FRMD8: variants seen among roughly 807,000 people sequenced by gnomAD.
FRMD8 encodes FERM domain-containing protein 8.
In FRMD8, 37 loss-of-function variants were observed where a neutral mutation model predicts 54.2. The ratio of observed to expected loss-of-function variants is 0.68; its 90% CI spans 0.53 to 0.90. The LOEUF is 0.90. FRMD8 is among the 40% of genes least tolerant of loss of function. The pLI is 0.00. For missense variants in FRMD8, 585 were observed against 653.7 expected (o/e 0.89, Z 1.15); for synonymous variants, 246 against 286.9 (o/e 0.86, Z 1.44).
the FRMD8 span, chr11:65,379,682 G>T: frequency 1.6e-6 from 2 of 1,265,560 alleles, no homozygotes; most frequent in Admixed American, 4.7e-5. Context: ...AGGGAAGTGG[G>T]GACAGGCAGG....
rs1856351146 is a variant in FRMD8, at chr11:65,412,279, A to G, written c.*919A>G. 6.6e-6 allele frequency: 1 copy of G among 152,220 alleles called. No homozygotes were observed. The highest frequency in any genetic ancestry group is 1.5e-5 in the Non-Finnish European group (1 of 68,106). 9.4% of individuals were successfully genotyped at this position (152,220 alleles called of 1,614,324 possible). The stretch of plus-strand genomic sequence containing the variant: ...CTCCCCTCCCTGTGTCTGGGTCTTC[A>G]GGTTTTAGTTTGGTCTTTGTTCATC... On this transcript the variant is annotated 3_prime_UTR_variant, in exon 11 of 11. Transcript: ENST00000317568.
chr11:65,384,175 G>A (rs1043135546), upstream of FRMD8, among the ~76,000 whole-genome samples: 5 of 152,090 alleles, frequency 3.3e-5, no homozygotes, highest in African/African-American at 1.2e-4. Flanking sequence ...GCGTCATCTT[G>A]TGAATCTCTA....
At chr11:65,401,345 T>A (rs1458851413) in intron 9 of FRMD8, among the ~76,000 whole-genome samples, 2 of 104,226 alleles carry the variant, frequency 1.9e-5, no homozygotes, top group Non-Finnish European at 3.8e-5. Flanking sequence ...CTCCCTCCCC[T>A]GCCTCCCTCC....
chr11:65,369,959 A>G, the FRMD8 span, among the ~76,000 whole-genome samples: 1 of 150,826 alleles, frequency 6.6e-6, no homozygotes, highest in Non-Finnish European at 1.5e-5. Context: ...TGAACCCAGG[A>G]GGTGGAAGTT....
chr11:65,403,700 G>A (rs899797005), intron 9 of FRMD8, among the ~76,000 whole-genome samples: 3 of 152,238 alleles, frequency 2.0e-5, no homozygotes, highest in South Asian at 2.1e-4. Flanking sequence ...GGGTTCTTCA[G>A]AGATGCGCTT....
At chr11:65,407,562 T>G (rs942301662) in intron 10 of FRMD8, among the ~76,000 whole-genome samples, 2 of 142,886 alleles carry the variant, frequency 1.4e-5, no homozygotes, top group African/African-American at 5.2e-5. Flanking sequence ...GAGATCTACA[T>G]TTTACATGGC....
At chr11:65,403,069 G>C (rs1856115829) in intron 9 of FRMD8, among the ~76,000 whole-genome samples, 1 of 152,104 alleles carries the variant, frequency 6.6e-6, no homozygotes, top group African/African-American at 2.4e-5. Flanking sequence ...GTAGAGACAA[G>C]GTCTCACTAT....
intron 9 of FRMD8, among the ~76,000 whole-genome samples, chr11:65,402,632 C>T (rs1159327832): frequency 6.6e-6 from 1 of 151,872 alleles, no homozygotes; most frequent in Non-Finnish European, 1.5e-5. Flanking sequence ...ATCCACCCCC[C>T]AAAAAAAGGC....
In FRMD8 at chr11:65,413,037, G is replaced by C. The variant is rs1856371484; in HGVS notation, c.*1677G>C. 2 of 151,850 alleles carry C rather than the reference G, an allele frequency of 1.3e-5. No homozygotes were observed. Among genetic ancestry groups the C allele is most frequent in the Non-Finnish European group, 2.9e-5 (2 of 68,030 alleles). The allele number at this position is 151,850 out of a possible 1,614,324, so 9.4% of individuals were successfully genotyped here. On this transcript the variant is annotated 3_prime_UTR_variant, in exon 11 of 11. Transcript: ENST00000317568. ...TTTTGAGACGGAGTCTTGCTCTGTT[G>C]CCCAGGCAGGAGTGCAGTGGCGCAT...
chr11:65,377,254 GA>G, the FRMD8 span: 1 of 1,427,326 alleles, frequency 7.0e-7, no homozygotes, highest in Non-Finnish European at 9.1e-7. Flanking sequence ...GTCTGCATGC[GA>G]CCGGGACAGG....
chr11:65,376,944 C>A, the FRMD8 span: 1 of 1,613,050 alleles, frequency 6.2e-7, no homozygotes, highest in Non-Finnish European at 8.5e-7. Flanking sequence ...CGGGGCCCCT[C>A]CTCCCGGAAG....
At chr11:65,393,797 C>T (rs886685722) in intron 4 of FRMD8, 123 bp downstream of exon 4, 1 of 860,674 alleles carries the variant, frequency 1.2e-6, no homozygotes, top group South Asian at 1.6e-5. Flanking sequence ...GCCTGCATCT[C>T]CCCCAGGCTC....
At chr11:65,376,339 G>A in the FRMD8 span, 1 of 1,558,988 alleles carries the variant, frequency 6.4e-7, no homozygotes, top group Non-Finnish European at 8.7e-7. Context: ...CTTTCAACCT[G>A]GCCTCCAATC....
the FRMD8 span, chr11:65,377,520 G>T: frequency 3.1e-6 from 2 of 644,458 alleles, no homozygotes; most frequent in Non-Finnish European, 1.9e-6. Flanking sequence ...CCCCTCGTGA[G>T]TGCTGTTCTC....
intron 2 of FRMD8, among the ~76,000 whole-genome samples, chr11:65,388,805 AAGAATT>A (rs1855782318): frequency 6.6e-6 from 1 of 152,134 alleles, no homozygotes; most frequent in Admixed American, 6.5e-5. Flanking sequence ...GGGTGACCTA[AAGAATT>A]ATCTCTTCGC....
At chr11:65,379,090 C>T in the FRMD8 span, 3 of 429,904 alleles carry the variant, frequency 7.0e-6, no homozygotes, top group South Asian at 7.7e-5. Flanking sequence ...GCTGGCAGAC[C>T]CCTCTGGAGG....
chr11:65,390,740 A>G (rs961599278), intron 3 of FRMD8, among the ~76,000 whole-genome samples: 4 of 152,148 alleles, frequency 2.6e-5, no homozygotes, highest in African/African-American at 9.7e-5. Flanking sequence ...CTGGGGGTAC[A>G]GTTCTGCATG....
At chr11:65,384,262 C>G (rs1436548196), upstream of FRMD8, among the ~76,000 whole-genome samples, 1 of 152,124 alleles carries the variant, frequency 6.6e-6, no homozygotes, top group Non-Finnish European at 1.5e-5. Flanking sequence ...AAGGCCTCCC[C>G]CATGGTGCCA....
At chr11:65,392,512 C>T (rs1169292552) in intron 3 of FRMD8, among the ~76,000 whole-genome samples, 3 of 152,182 alleles carry the variant, frequency 2.0e-5, no homozygotes, top group Non-Finnish European at 4.4e-5. Flanking sequence ...GGCAGAGAAC[C>T]CGGTGGCCAC....
Sources: allele counts gnomAD v4.1 joint callset (sites outside exome capture counted in the v4.1 genomes callset), GRCh38; gene constraint gnomAD v4.1.1; transcripts MANE v1.5; gene names NCBI Gene and HGNC (gene_info 2026-07-23, HGNC 2026-07-21).